Variants in SORCS2 observed in about 807,000 individuals in gnomAD.
SORCS2 encodes VPS10 domain-containing receptor SorCS2.
SORCS2 carries 100 observed loss-of-function variants against 141.6 expected under a neutral mutation model. The ratio of observed to expected loss-of-function variants is 0.71; its 90% CI spans 0.60 to 0.83. The LOEUF is 0.83. SORCS2 is among the 40% of genes least tolerant of loss of function. The pLI, the probability that SORCS2 is intolerant of heterozygous loss-of-function variation, is 0.00. For missense variants in SORCS2, 1,646 were observed against 1,560.2 expected, an observed-to-expected ratio of 1.05 and a Z score of -0.93; for synonymous variants, 789 against 676.9, an observed-to-expected ratio of 1.17 and a Z score of -2.57.
In SORCS2 at chr4:7,676,169, G is replaced by A. The variant is rs1444010109; in HGVS notation, c.1281G>A (p.Val427=). The A allele has an allele frequency of 4.5e-6, 7 of 1,557,666 alleles. No homozygotes were observed. Among genetic ancestry groups the A allele is most frequent in the African/African-American group, 1.4e-5 (1 of 73,322 alleles). The change falls in exon 9 of 27, where the codon GTG becomes GTA. Residue 427 remains valine (V), a synonymous_variant. Coordinates refer to ENST00000507866, the MANE Select transcript of SORCS2 (RefSeq NM_020777.3). ...SDPRGVRYAL[V]LQDVRSSRQA... ...CACGGGGCGTGCGCTACGCGCTGGT[G>A]CTGCAGGACGTGCGCAGCTCACGGC...
intron 2 of SORCS2, among the ~76,000 whole-genome samples, chr4:7,464,357 C>T (rs928816458): frequency 3.3e-5 from 5 of 152,144 alleles, no homozygotes; most frequent in Non-Finnish European, 7.3e-5. Context: ...AAAGAATGCA[C>T]TCTAGGAGAG....
At chr4:7,410,949 C>CTTTTTTTTTTT in intron 2 of SORCS2, among the ~76,000 whole-genome samples, 1 of 73,842 alleles carries the variant, frequency 1.4e-5, no homozygotes, top group Non-Finnish European at 2.4e-5. Flanking sequence ...TCTCTCCATC[C>CTTTTTTTTTTT]TTTTTTTTTT....
chr4:7,278,761 C>T (rs1394385572), intron 1 of SORCS2, among the ~76,000 whole-genome samples: 1 of 152,190 alleles, frequency 6.6e-6, no homozygotes, highest in African/African-American at 2.4e-5. Context: ...TGCTGCCACC[C>T]AATGCTCCCT....
At chr4:7,730,868 G>A (rs991732780) in intron 23 of SORCS2, among the ~76,000 whole-genome samples, 3 of 152,212 alleles carry the variant, frequency 2.0e-5, no homozygotes, top group Admixed American at 6.5e-5. Context: ...CACTTTAAAA[G>A]AGTAAATGTT....
chr4:7,285,506 G>C (rs1284512923), intron 1 of SORCS2, among the ~76,000 whole-genome samples: 1 of 152,232 alleles, frequency 6.6e-6, no homozygotes, highest in Non-Finnish European at 1.5e-5. Flanking sequence ...CGGAGCGCCT[G>C]GCTGCAGTGG....
intron 3 of SORCS2, among the ~76,000 whole-genome samples, chr4:7,534,339 T>C (rs1441397332): frequency 6.6e-6 from 1 of 151,714 alleles, no homozygotes; most frequent in African/African-American, 2.4e-5. Flanking sequence ...TCCCCCCCCA[T>C]CAGGGAGCCA....
chr4:7,720,062 G>GAC (rs767906874), intron 18 of SORCS2, among the ~76,000 whole-genome samples: 1 of 152,050 alleles, frequency 6.6e-6, no homozygotes, highest in African/African-American at 2.4e-5. Context: ...CAAACACACA[G>GAC]ACACACACAT....
chr4:7,352,075 G>A (rs1720977408), intron 1 of SORCS2, among the ~76,000 whole-genome samples: 1 of 152,042 alleles, frequency 6.6e-6, no homozygotes, highest in South Asian at 2.1e-4. Flanking sequence ...TATATGTGCT[G>A]GGATGCAGTG....
intron 26 of SORCS2, among the ~76,000 whole-genome samples, chr4:7,738,176 C>G (rs1374418743): frequency 6.6e-6 from 1 of 152,242 alleles, no homozygotes; most frequent in African/African-American, 2.4e-5. Flanking sequence ...ATAGTTCTTT[C>G]TCTGGATGAG....
chr4:7,638,548 A>C (rs372770423), intron 4 of SORCS2, 56 bp downstream of exon 4: 3 of 1,539,598 alleles, frequency 1.9e-6, no homozygotes, highest in African/African-American at 2.8e-5. Flanking sequence ...TGCTCGACCC[A>C]CCTGGAGGTG....
In SORCS2 at chr4:7,196,608, C is replaced by A. The variant is rs139378460; in HGVS notation, c.480+3482C>A. ...CCCGAGAAGATCAGCACCTCCCTCC[C>A]CTGCCCTCCCTTCCCCTCCCCTCCC... On this transcript the variant is annotated intron_variant, in intron 1 of 26. Transcript: ENST00000507866. 1.7e-4 allele frequency among the ~76,000 whole-genome samples: 25 copies of A among 150,562 alleles called. No individual in the cohort carries two copies. In the East Asian group the frequency reaches 4.7e-3, roughly 28 times the overall value.
chr4:7,526,033 C>T (rs990503640), intron 2 of SORCS2, among the ~76,000 whole-genome samples: 1 of 151,856 alleles, frequency 6.6e-6, no homozygotes, highest in Non-Finnish European at 1.5e-5. Context: ...CTGTCCCCTC[C>T]TCACACCTGT....
chr4:7,481,346 G>C (rs1213982117), intron 2 of SORCS2, among the ~76,000 whole-genome samples: 2 of 152,266 alleles, frequency 1.3e-5, no homozygotes, highest in Non-Finnish European at 2.9e-5. Flanking sequence ...GCACAAGAAT[G>C]CTGCCAGGCA....
chr4:7,256,727 C>T (rs979305492), intron 1 of SORCS2, among the ~76,000 whole-genome samples: 1 of 142,420 alleles, frequency 7.0e-6, no homozygotes, highest in African/African-American at 2.7e-5. Flanking sequence ...AGCTGCGTCT[C>T]GCATGATGGG....
rs35520579 is a variant in SORCS2 at position 7,244,877 on chromosome 4, T to G, written c.480+51751T>G. ...TTGGTGAGGGAGTGTGTGCTTAATA[T>G]GCCAGTCAGCGAGGCTGGACCTGAG... On this transcript the variant is annotated intron_variant, in intron 1 of 26. Transcript: ENST00000507866. Among the ~76,000 whole-genome samples, 1,164 of 152,314 alleles carry G rather than the reference T, an allele frequency of 7.6e-3. 13 individuals carry two copies. Among genetic ancestry groups the G allele is most frequent in the African/African-American group, 0.026 (1,098 of 41,566 alleles).
chr4:7,728,743 G>A (rs1378844395), intron 22 of SORCS2, among the ~76,000 whole-genome samples: 1 of 152,264 alleles, frequency 6.6e-6, no homozygotes, highest in Non-Finnish European at 1.5e-5. Flanking sequence ...CTGTTTGCAG[G>A]AGACCCCACT....
intron 3 of SORCS2, among the ~76,000 whole-genome samples, chr4:7,566,545 A>C (rs1715030244): frequency 1.3e-5 from 2 of 152,246 alleles, no homozygotes; most frequent in South Asian, 2.1e-4. Context: ...GAGTTGGAAT[A>C]ATTCATACCA....
At chr4:7,650,187 G>T (rs1721341299) in intron 4 of SORCS2, among the ~76,000 whole-genome samples, 1 of 152,220 alleles carries the variant, frequency 6.6e-6, no homozygotes, top group African/African-American at 2.4e-5. Flanking sequence ...GGGTGACCCT[G>T]GGTGAATCAC....
chr4:7,570,294 C>T lies in SORCS2; in HGVS notation c.648+38665C>T, dbSNP rs1239340925. Among the ~76,000 whole-genome samples the T allele has an allele frequency of 3.3e-5, 5 of 152,184 alleles. 1 individual carries two copies. The South Asian group carries it at 1.0e-3, about 32-fold the overall frequency. On this transcript the variant is annotated intron_variant, in intron 3 of 26. Coordinates refer to ENST00000507866, the MANE Select transcript of SORCS2 (RefSeq NM_020777.3). ...CACAGGCAGGCCGCTGAGCCTGTGT[C>T]CCACTTTGTACTCACAGCCTCGAGG...
Sources: allele counts gnomAD v4.1 joint callset (sites outside exome capture counted in the v4.1 genomes callset), GRCh38; gene constraint gnomAD v4.1.1; transcripts MANE v1.5; gene names NCBI Gene and HGNC (gene_info 2026-07-23, HGNC 2026-07-21).